DIP2A: variants seen among roughly 807,000 people sequenced by gnomAD.
DIP2A encodes DIP2 acetate--CoA ligase A.
DIP2A carries 85 observed loss-of-function variants against 177.4 expected under a neutral mutation model. That is an observed-to-expected ratio of 0.48 (90% CI 0.40 to 0.57). DIP2A has a LOEUF of 0.57. DIP2A is among the 20% of genes least tolerant of loss of function. The pLI, the probability that DIP2A is intolerant of heterozygous loss-of-function variation, is 0.00. For missense variants in DIP2A, 1,791 were observed against 2,100.2 expected (o/e 0.85, Z 2.88); for synonymous variants, 886 against 881.8 (o/e 1.00, Z -0.08).
At chr21:46,466,907 C>A (rs1173803551) in intron 1 of DIP2A, among the ~76,000 whole-genome samples, 1 of 139,656 alleles carries the variant, frequency 7.2e-6, no homozygotes, top group Admixed American at 7.0e-5. Context: ...TAAAAGAATA[C>A]CTCTTCTTAC....
rs193007009 is a variant in DIP2A, at chr21:46,533,475, G to A, written c.1306-49G>A. On this transcript the variant is annotated intron_variant, in intron 10 of 37. Coordinates refer to ENST00000417564, the MANE Select transcript of DIP2A (RefSeq NM_015151.4). ...CCTGGAGCACCAAGGGTCTGGGGCT[G>A]TGGCTGCTGTGAGCACCCCACCCCA... The A allele has an allele frequency of 2.2e-4, 345 of 1,591,370 alleles. No individual in the cohort carries two copies. The East Asian group carries it at 6.9e-3, about 32-fold the overall frequency.
chr21:46,509,108 T>G, intron 6 of DIP2A, 149 bp from the exon 7 acceptor site: 3 of 773,104 alleles, frequency 3.9e-6, no homozygotes, highest in Non-Finnish European at 5.6e-6. Context: ...CTAAATGAAT[T>G]GATTCCAAAA....
At chr21:46,529,214 G>A (rs751533819) in intron 9 of DIP2A, 31 bp downstream of exon 9, 35 of 1,331,958 alleles carry the variant, frequency 2.6e-5, no homozygotes, top group African/African-American at 4.5e-5. Context: ...TTTGTTGGAA[G>A]GAGCAAAAGC....
chr21:46,516,647 C>T lies in DIP2A; in HGVS notation c.1102+5033C>T, dbSNP rs185675023. Among the ~76,000 whole-genome samples the T allele has an allele frequency of 1.2e-3, 183 of 151,778 alleles. 2 individuals are homozygous for T. The East Asian group carries it at 0.023, about 19-fold the overall frequency. ...AGCTGGGACTATAGGCGCCTGCCAC[C>T]GCACCCAGCTAATTTTTTTGTGTTT... is the stretch of plus-strand genomic sequence containing the variant. On this transcript the variant is annotated intron_variant, in intron 8 of 37. Transcript: ENST00000417564.
intron 8 of DIP2A, among the ~76,000 whole-genome samples, chr21:46,514,635 T>G (rs1306500018): frequency 2.9e-5 from 4 of 137,622 alleles, no homozygotes; most frequent in Non-Finnish European, 4.7e-5. Context: ...TTTTTTTTTT[T>G]TTTTTGGTTT....
In DIP2A at chr21:46,557,354, G is replaced by T. The variant is rs1027823331; in HGVS notation, c.3630-231G>T. On this transcript the variant is annotated intron_variant, in intron 30 of 37. Coordinates refer to ENST00000417564, the MANE Select transcript of DIP2A (RefSeq NM_015151.4). The surrounding 1 kb of genome is among the most constrained non-coding windows in gnomAD (Gnocchi z 6.0). ...CTCTAGAAGTGAATGCCTCTGGAGT[G>T]GTGTCCCCGGATCCTCTCCAAGTGT... 3.1e-6 allele frequency: 2 copies of T among 635,164 alleles called. No individual in the cohort carries two copies. The highest frequency in any genetic ancestry group is 1.8e-5 in the African/African-American group (1 of 54,498). The allele number at this position is 635,164 out of a possible 1,614,324, so 39.3% of individuals were successfully genotyped here. A position where few individuals can be genotyped will look rare whatever the true frequency, so the allele number is the denominator to read the frequency against.
Position 46,538,493 on chromosome 21 carries a change from G to C in DIP2A, c.1812G>C (p.Ala604=). ...ATCCTCTCTCTGCAGCTCGGGCCGC[G>C]CTGGTGAAGTCGCGAGACATGCACT... ...QKVCFYKARA[A]LVKSRDMHWS... is the part of the protein sequence containing the mutation. Residue 604 remains alanine (A), a synonymous_variant, in exon 16 of 38, where the codon GCG becomes GCC. Coordinates refer to ENST00000417564, the MANE Select transcript of DIP2A (RefSeq NM_015151.4). The C allele has an allele frequency of 6.5e-7, 1 of 1,546,772 alleles. No homozygotes were observed. The highest frequency in any genetic ancestry group is 8.7e-7 in the Non-Finnish European group (1 of 1,148,496).
intron 1 of DIP2A, among the ~76,000 whole-genome samples, chr21:46,478,213 G>T (rs1464656117): frequency 6.6e-6 from 1 of 151,580 alleles, no homozygotes; most frequent in Admixed American, 6.6e-5. Flanking sequence ...AAACTTTCAA[G>T]AATTTTTTTT....
At chr21:46,574,168 TAA>T (rs2060981179), downstream of DIP2A, among the ~76,000 whole-genome samples, 1 of 152,120 alleles carries the variant, frequency 6.6e-6, no homozygotes, top group Admixed American at 6.5e-5. Flanking sequence ...CAAACTGGGA[TAA>T]AGTTAAAAAT....
intron 5 of DIP2A, among the ~76,000 whole-genome samples, chr21:46,502,000 T>C (rs2057677592): frequency 6.6e-6 from 1 of 152,250 alleles, no homozygotes; most frequent in Non-Finnish European, 1.5e-5. Flanking sequence ...TGCTTTCATA[T>C]ACTTCAGCTT....
In DIP2A at chr21:46,569,134, T is replaced by C. The variant is rs552905977; in HGVS notation, c.*1512T>C. ...CGAAATTGTTGGGTTTTTGGGGTAT[T>C]GAGGGTGGCAAATTTTGTGAATCAT... On this transcript the variant is annotated 3_prime_UTR_variant, in exon 38 of 38. Coordinates refer to ENST00000417564, the MANE Select transcript of DIP2A (RefSeq NM_015151.4). 3 of 152,274 alleles carry C rather than the reference T, an allele frequency of 2.0e-5. No homozygotes were observed. Among genetic ancestry groups the C allele is most frequent in the Admixed American group, 2.0e-4 (3 of 15,294 alleles). The allele number at this position is 152,274 out of a possible 1,614,324, so 9.4% of individuals were successfully genotyped here.
chr21:46,566,729 T>G (rs1569124662), intron 37 of DIP2A, 46 bp downstream of exon 37: 1 of 1,610,778 alleles, frequency 6.2e-7, no homozygotes, highest in African/African-American at 1.3e-5. Context: ...CCTCCAGCCC[T>G]TCCTCTGGGC....
rs80186361 is a variant in DIP2A, at chr21:46,463,682, G to T, written c.91+4460G>T. 1.8e-3 allele frequency among the ~76,000 whole-genome samples: 192 copies of T among 109,310 alleles called. 2 individuals carry two copies. The South Asian group carries it at 0.043, about 25-fold the overall frequency. The allele number at this position is 109,310 out of a possible 152,430, so 71.7% of individuals were successfully genotyped here. ...AATTTCTAAAATCTGGGATATATTT[G>T]TGTGTGTGTGTGTGTGTGTGTGTGT... On this transcript the variant is annotated intron_variant, in intron 1 of 37. Transcript: ENST00000417564.
chr21:46,466,230 G>A (rs537781130), intron 1 of DIP2A, among the ~76,000 whole-genome samples: 1 of 151,720 alleles, frequency 6.6e-6, no homozygotes, highest in South Asian at 2.1e-4. Context: ...ATTGCACCAC[G>A]TTACAAAGTC....
chr21:46,485,625 T>C (rs1385116571), intron 2 of DIP2A, among the ~76,000 whole-genome samples: 1 of 152,186 alleles, frequency 6.6e-6, no homozygotes, highest in Non-Finnish European at 1.5e-5. Flanking sequence ...GATTTTTTGA[T>C]GTCACTAAAG....
At chr21:46,490,558 C>G in intron 2 of DIP2A, 42 bp from the exon 3 acceptor site, 5 of 1,521,478 alleles carry the variant, frequency 3.3e-6, no homozygotes, top group Non-Finnish European at 4.4e-6. Flanking sequence ...ATTGGAAAAG[C>G]AAATTGTTCA....
At chr21:46,549,925 C>G (rs755420443) in intron 22 of DIP2A, 40 bp downstream of exon 22, 71 of 1,604,386 alleles carry the variant, frequency 4.4e-5, no homozygotes, top group Non-Finnish European at 5.6e-5. Context: ...GTGAATCTCC[C>G]AAGCTGGCAC....
At chr21:46,562,014 C>T in intron 34 of DIP2A, 1 of 822,900 alleles carries the variant, frequency 1.2e-6, no homozygotes, top group Non-Finnish European at 1.5e-6. Context: ...CACATCTGAG[C>T]TCAAAGCCAA....
chr21:46,516,782 C>T (rs184048112), intron 8 of DIP2A, among the ~76,000 whole-genome samples: 30 of 152,034 alleles, frequency 2.0e-4, no homozygotes, highest in African/African-American at 6.3e-4. Flanking sequence ...CATGAGCCAC[C>T]GCTCTTGGCC....
Sources: gnomAD v4.1 joint callset for allele counts (sites outside exome capture counted in the v4.1 genomes callset) on GRCh38, gnomAD v4.1.1 for gene constraint, Gnocchi (gnomAD v3.1) non-coding constraint, MANE v1.5 for transcripts, NCBI Gene and HGNC (gene_info 2026-07-23, HGNC 2026-07-21) for gene names.